NHSL1: variants seen among roughly 807,000 people sequenced by gnomAD.
NHSL1 encodes NHS-like protein 1.
In NHSL1, 48 loss-of-function variants were observed where a neutral mutation model predicts 95.0. The ratio of observed to expected loss-of-function variants is 0.51; its 90% CI spans 0.40 to 0.64. The LOEUF is 0.64. NHSL1 is among the 30% of genes least tolerant of loss of function. The pLI is 0.00. For missense variants in NHSL1, 1,971 were observed against 2,077.7 expected (o/e 0.95, Z 1.00); for synonymous variants, 783 against 833.9 (o/e 0.94, Z 1.05).
intron 1 of NHSL1, among the ~76,000 whole-genome samples, chr6:138,544,251 C>A (rs1323106487): frequency 1.3e-5 from 2 of 152,094 alleles, no homozygotes; most frequent in Non-Finnish European, 2.9e-5. Context: ...TTTTGTAGAA[C>A]AATTTTTGGA....
intron 7 of NHSL1, among the ~76,000 whole-genome samples, chr6:138,427,180 A>T (rs1192491135): frequency 6.6e-6 from 1 of 152,244 alleles, no homozygotes; most frequent in Non-Finnish European, 1.5e-5. Context: ...AGTCACAACT[A>T]AACTTGAGTA....
chr6:138,432,403 G>C lies in NHSL1; in HGVS notation c.1942C>G (p.Gln648Glu), dbSNP rs1775756394. ...NVFVGRAQKN[Q>E]GDRSNYQDKS... ...TCCTGGTAATTGGACCGGTCCCCTT[G>C]GTTTTTCTGAGCTCTTCCAACAAAA... Residue 648 changes from glutamine (Q) to glutamate (E), a missense_variant, in exon 6 of 8, where the codon CAA (glutamine) becomes GAA (glutamate). Gln to Glu is a conservative substitution (Grantham distance 29, BLOSUM62 2). Coordinates refer to ENST00000343505, the MANE Select transcript of NHSL1 (RefSeq NM_001144060.2). This position sits in a 1 kb window ranked among gnomAD's most constrained non-coding sequence, Gnocchi z 4.4. 2 of 1,552,198 alleles carry C rather than the reference G, an allele frequency of 1.3e-6. No homozygotes were observed. The highest frequency in any genetic ancestry group is 2.7e-5 in the African/African-American group (2 of 73,120).
chr6:138,662,847 G>T (rs1785243622), intron 1 of NHSL1, among the ~76,000 whole-genome samples: 1 of 151,956 alleles, frequency 6.6e-6, no homozygotes, highest in African/African-American at 2.4e-5. Flanking sequence ...TATACCTGTT[G>T]TAAGAACACA....
chr6:138,541,291 C>T (rs931212677), intron 1 of NHSL1, among the ~76,000 whole-genome samples: 1 of 152,150 alleles, frequency 6.6e-6, no homozygotes, highest in Non-Finnish European at 1.5e-5. Context: ...CACTTGAACC[C>T]AGGAGGCGGA....
rs1562415036 is a variant in NHSL1, at chr6:138,692,183, G to C, written c.96+293C>G. ...ACAGCGCCCCGGGGTCTCCCAAACA[G>C]ACAGACACAGACAGACAGAAGGAGC... On this transcript the variant is annotated intron_variant, in intron 1 of 3. Transcript: ENST00000491526. This position sits in a 1 kb window ranked among gnomAD's most constrained non-coding sequence, Gnocchi z 4.0. 2 of 456,586 alleles carry C rather than the reference G, an allele frequency of 4.4e-6. No homozygotes were observed. The highest frequency in any genetic ancestry group is 8.8e-6 in the Non-Finnish European group (2 of 226,952). 28.3% of individuals were successfully genotyped at this position (456,586 alleles called of 1,614,324 possible). A position where few individuals can be genotyped will look rare whatever the true frequency, so the allele number is the denominator to read the frequency against.
At chr6:138,472,470 A>G (rs1178950265) in intron 3 of NHSL1, among the ~76,000 whole-genome samples, 2 of 151,790 alleles carry the variant, frequency 1.3e-5, no homozygotes, top group Non-Finnish European at 2.9e-5. Context: ...TATTTGAGGA[A>G]AAGGACAATA....
At chr6:138,455,750 A>C (rs1777568616) in intron 3 of NHSL1, among the ~76,000 whole-genome samples, 1 of 49,150 alleles carries the variant, frequency 2.0e-5, no homozygotes, top group Non-Finnish European at 5.7e-5. Context: ...CCGATGAACA[A>C]GCTAGCAATA....
At chr6:138,477,071 G>T (rs1779124445) in intron 2 of NHSL1, among the ~76,000 whole-genome samples, 1 of 151,660 alleles carries the variant, frequency 6.6e-6, no homozygotes, top group South Asian at 2.1e-4. Flanking sequence ...ACTTTCCTGT[G>T]GTCCTAGAAA....
intron 3 of NHSL1, among the ~76,000 whole-genome samples, chr6:138,472,387 C>T (rs1284999160): frequency 6.6e-6 from 1 of 152,130 alleles, no homozygotes; most frequent in Non-Finnish European, 1.5e-5. Context: ...GTTGATACAA[C>T]AGATGCATGC....
intron 1 of NHSL1, among the ~76,000 whole-genome samples, chr6:138,559,060 A>G (rs2128338682): frequency 6.6e-6 from 1 of 152,118 alleles, no homozygotes; most frequent in African/African-American, 2.4e-5. Flanking sequence ...TTAAAAAGAA[A>G]AAAAAAAAAA....
intron 1 of NHSL1, among the ~76,000 whole-genome samples, chr6:138,557,624 A>G (rs1278658728): frequency 6.6e-6 from 1 of 152,262 alleles, no homozygotes; most frequent in Non-Finnish European, 1.5e-5. Flanking sequence ...ACCAGGTCCA[A>G]TGACTAGTCA....
intron 2 of NHSL1, among the ~76,000 whole-genome samples, chr6:138,494,808 T>C (rs2128283617): frequency 6.6e-6 from 1 of 152,322 alleles, no homozygotes; most frequent in South Asian, 2.1e-4. Context: ...GAGCAGCATC[T>C]GGTAGAATAA....
chr6:138,635,937 A>G (rs1212802461), intron 1 of NHSL1, among the ~76,000 whole-genome samples: 3 of 147,912 alleles, frequency 2.0e-5, no homozygotes, highest in Non-Finnish European at 4.5e-5. Context: ...AAATAGTGAA[A>G]TGCCGTCTCT....
At chr6:138,581,420 G>A (rs142143419) in intron 1 of NHSL1, among the ~76,000 whole-genome samples, 61 of 152,120 alleles carry the variant, frequency 4.0e-4, no homozygotes, top group African/African-American at 1.2e-3. Context: ...GCCTGAGCGC[G>A]GTGGCTCACA....
At chr6:138,456,942 G>A (rs1189158731) in intron 3 of NHSL1, among the ~76,000 whole-genome samples, 1 of 151,370 alleles carries the variant, frequency 6.6e-6, no homozygotes, top group Non-Finnish European at 1.5e-5. Flanking sequence ...GGAGTGGAGT[G>A]GTGCGATCTC....
chr6:138,532,943 C>T (rs1187320694), intron 1 of NHSL1, among the ~76,000 whole-genome samples: 1 of 152,080 alleles, frequency 6.6e-6, no homozygotes, highest in East Asian at 1.9e-4. Context: ...TTTTAATAAC[C>T]ATAACAGTTC....
intron 1 of NHSL1, among the ~76,000 whole-genome samples, chr6:138,639,623 C>A (rs1266922503): frequency 6.8e-6 from 1 of 147,158 alleles, no homozygotes; most frequent in Non-Finnish European, 1.5e-5. Flanking sequence ...GCCTGGGCAA[C>A]AGAGTGAGAC....
chr6:138,430,910 C>G lies in NHSL1; in HGVS notation c.3435G>C (p.Ser1145=). The G allele has an allele frequency of 1.3e-6, 2 of 1,551,518 alleles. No homozygotes were observed. Among genetic ancestry groups the G allele is most frequent in the Middle Eastern group, 1.7e-4 (1 of 5,990 alleles). ...CCGCACTGCCATGGTCACCCTGACT[C>G]GAGCTCTTGGCAGGCGTCGGAAGCG... ...TSSLPTPAKS[S]SQGDHGSAAE... is the part of the protein sequence containing the mutation. The change falls in exon 6 of 8, where the codon TCG becomes TCC. Residue 1145 remains serine, a synonymous_variant. Transcript: ENST00000343505. This position sits in a 1 kb window ranked among gnomAD's most constrained non-coding sequence, Gnocchi z 4.7.
At position 138,431,455 on chromosome 6, in the gene NHSL1, G is replaced by C. The variant is rs748965686; in HGVS notation, c.2890C>G (p.Pro964Ala). The change falls in exon 6 of 8, where the codon CCT becomes GCT. Residue 964 changes from proline (P) to alanine (A), a missense_variant. Pro to Ala is a conservative substitution (Grantham distance 27). This residue lies in a region of NHSL1 where 1,602 missense variants were observed against 1,654.5 expected (regional missense o/e 0.97). Coordinates refer to ENST00000343505, the MANE Select transcript of NHSL1 (RefSeq NM_001144060.2). The surrounding 1 kb of genome is among the most constrained non-coding windows in gnomAD (Gnocchi z 4.0). ...PPVTDCSQGSPLPHSPVFPPP... is the reference protein window; with the variant it reads ...PPVTDCSQGSALPHSPVFPPP... The stretch of plus-strand genomic sequence containing the variant: ...GGGAACACAGGAGAGTGAGGCAGAG[G>C]AGAGCCCTGGGAGCAATCTGTGACA... 6.4e-7 allele frequency: 1 copy of C among 1,551,102 alleles called. No individual in the cohort carries two copies. Among genetic ancestry groups the C allele is most frequent in the Non-Finnish European group, 8.7e-7 (1 of 1,146,958 alleles).
Sources: allele counts gnomAD v4.1 joint callset (sites outside exome capture counted in the v4.1 genomes callset), GRCh38; gene constraint gnomAD v4.1.1; regional missense constraint gnomAD v4.1.1; non-coding constraint Gnocchi (gnomAD v3.1); transcripts MANE v1.5; gene names NCBI Gene and HGNC (gene_info 2026-07-23, HGNC 2026-07-21).